Variants in VWA8 observed in about 807,000 individuals in gnomAD.
VWA8 encodes the protein von Willebrand factor A domain containing 8.
VWA8 carries 221 observed loss-of-function variants against 241.5 expected under a neutral mutation model. The observed-to-expected ratio is 0.91, with a 90% CI of 0.82 to 1.02. The LOEUF is 1.02. VWA8 is among the 50% of genes least tolerant of loss of function. VWA8 has a pLI of 0.00. For missense variants in VWA8, 2,322 were observed against 2,328.7 expected (o/e 1.00, Z 0.06); for synonymous variants, 852 against 827.1 (o/e 1.03, Z -0.52).
At chr13:41,930,499 T>G (rs1877053792) in intron 2 of VWA8, among the ~76,000 whole-genome samples, 1 of 152,174 alleles carries the variant, frequency 6.6e-6, no homozygotes, top group Non-Finnish European at 1.5e-5. Flanking sequence ...GAAACCATGA[T>G]ACAGGTTGAG....
At chr13:41,912,311 A>G (rs1876050011) in intron 2 of VWA8, 143 bp from the exon 3 acceptor site, 1 of 580,714 alleles carries the variant, frequency 1.7e-6, no homozygotes, top group Non-Finnish European at 2.5e-6. Context: ...ATATGTATAT[A>G]AATATATATA....
At position 41,690,287 on chromosome 13, in the gene VWA8, C is replaced by G; in HGVS notation, c.3867-12G>C. On this transcript the variant is annotated splice_polypyrimidine_tract_variant and intron_variant, in intron 32 of 44. Transcript: ENST00000379310. ...TTAAAAGATATTTCCTGCAAACAAA[C>G]AAAACATCTAGCTTAAGTGAAATTT... The G allele has an allele frequency of 6.3e-7, 1 of 1,599,488 alleles. No individual in the cohort carries two copies. The highest frequency in any genetic ancestry group is 8.5e-7 in the Non-Finnish European group (1 of 1,172,518).
chr13:41,724,271 G>A (rs952242414), intron 24 of VWA8, among the ~76,000 whole-genome samples: 4 of 152,166 alleles, frequency 2.6e-5, no homozygotes, highest in African/African-American at 9.7e-5. Context: ...GATAGCAAGT[G>A]TAGACAACTC....
Position 41,824,094 on chromosome 13 carries a change from T to C in VWA8, c.1701-4708A>G, listed in dbSNP as rs534347793. Among the ~76,000 whole-genome samples, 7 of 152,334 alleles carry C rather than the reference T, an allele frequency of 4.6e-5. No individual in the cohort carries two copies. In the East Asian group the frequency reaches 1.2e-3, roughly 25 times the overall value. Reference sequence around the variant, plus strand: ...CTGAAAGCAGGACAGGTATCTAAATTTACCAACTGGGTCTAGAAGCAAAGA... The same window carrying C: ...CTGAAAGCAGGACAGGTATCTAAATCTACCAACTGGGTCTAGAAGCAAAGA... On this transcript the variant is annotated intron_variant, in intron 14 of 44. Transcript: ENST00000379310.
chr13:41,778,335 AT>A lies in VWA8; in HGVS notation c.2278-280del, dbSNP rs1221074727. On this transcript the variant is annotated intron_variant, in intron 19 of 44. Coordinates refer to ENST00000379310, the MANE Select transcript of VWA8 (RefSeq NM_015058.2). ...ATTCAACTCAAATATTTTTTTACCTATTATACTATGTAGAGTTGGCTTATAA... is the reference window on the plus strand; with the variant it reads ...ATTCAACTCAAATATTTTTTTACCTATATACTATGTAGAGTTGGCTTATAA... Among the ~76,000 whole-genome samples, 5 of 152,234 alleles carry A rather than the reference AT, an allele frequency of 3.3e-5. No individual in the cohort carries two copies. The East Asian group carries it at 9.6e-4, about 29-fold the overall frequency.
intron 9 of VWA8, among the ~76,000 whole-genome samples, chr13:41,878,137 T>C (rs1392350838): frequency 2.6e-5 from 4 of 152,066 alleles, no homozygotes; most frequent in Admixed American, 1.3e-4. Context: ...ATAATTATCA[T>C]TTATCAAGGA....
chr13:41,568,825 G>A (rs1041823371), intron 44 of VWA8, among the ~76,000 whole-genome samples: 4 of 152,150 alleles, frequency 2.6e-5, no homozygotes, highest in Non-Finnish European at 5.9e-5. Flanking sequence ...TGTGAAATGC[G>A]ATCTGGATTG....
At chr13:41,616,777 A>C (rs748297916) in intron 37 of VWA8, among the ~76,000 whole-genome samples, 4 of 152,144 alleles carry the variant, frequency 2.6e-5, no homozygotes, top group Non-Finnish European at 5.9e-5. Flanking sequence ...TAGCTAACTA[A>C]AATTTAAATT....
At chr13:41,797,142 T>G (rs1438493250) in intron 17 of VWA8, among the ~76,000 whole-genome samples, 1 of 152,010 alleles carries the variant, frequency 6.6e-6, no homozygotes, top group Non-Finnish European at 1.5e-5. Context: ...GTGATTCTCC[T>G]GCATCAGCCT....
At chr13:41,592,560 T>C (rs141703541) in intron 40 of VWA8, among the ~76,000 whole-genome samples, 24 of 149,960 alleles carry the variant, frequency 1.6e-4, no homozygotes, top group African/African-American at 5.9e-4. Flanking sequence ...TCTTTACTCT[T>C]ATTTGTTTTG....
chr13:41,678,371 T>C (rs1399508923), intron 35 of VWA8, among the ~76,000 whole-genome samples: 5 of 152,254 alleles, frequency 3.3e-5, no homozygotes, highest in South Asian at 2.1e-4. Context: ...ACAGTCTGCA[T>C]TGGAAATTCT....
At chr13:41,754,422 G>A in intron 21 of VWA8, among the ~76,000 whole-genome samples, 1 of 152,044 alleles carries the variant, frequency 6.6e-6, no homozygotes, top group Admixed American at 6.6e-5. Flanking sequence ...CCTGTAAATT[G>A]CCCAGTCTTG....
intron 12 of VWA8, among the ~76,000 whole-genome samples, chr13:41,841,155 T>C (rs1182472661): frequency 2.6e-5 from 4 of 152,128 alleles, no homozygotes; most frequent in Non-Finnish European, 5.9e-5. Context: ...CAGCAATAAA[T>C]TTCACTAAAA....
intron 5 of VWA8, among the ~76,000 whole-genome samples, chr13:41,889,570 G>C (rs926852707): frequency 1.3e-5 from 2 of 152,006 alleles, no homozygotes; most frequent in Non-Finnish European, 2.9e-5. Flanking sequence ...GTAGAAACGA[G>C]GTTTTACCAT....
At chr13:41,834,552 T>G (rs972437226) in intron 12 of VWA8, among the ~76,000 whole-genome samples, 1 of 152,140 alleles carries the variant, frequency 6.6e-6, no homozygotes, top group Non-Finnish European at 1.5e-5. Context: ...AAGTACTGAC[T>G]AAATGGCTAT....
intron 37 of VWA8, among the ~76,000 whole-genome samples, chr13:41,623,318 A>G (rs892318957): frequency 5.9e-5 from 9 of 152,168 alleles, no homozygotes; most frequent in Non-Finnish European, 1.5e-5. Flanking sequence ...TCTATGCCCC[A>G]ATGACATTGT....
In VWA8 at chr13:41,800,138, A is replaced by T. The variant is rs538784693; in HGVS notation, c.2063+11087T>A. ...TACTTCATTTCTTTTTGTTGCTAAC[A>T]TTTCATTGTATGGATAAAACACACT... is the stretch of plus-strand genomic sequence containing the variant. On this transcript the variant is annotated intron_variant, in intron 17 of 44. Transcript: ENST00000379310. Among the ~76,000 whole-genome samples the T allele has an allele frequency of 2.3e-4, 35 of 152,318 alleles. No homozygotes were observed. In the East Asian group the frequency reaches 4.1e-3, roughly 18 times the overall value.
intron 34 of VWA8, among the ~76,000 whole-genome samples, chr13:41,688,274 T>TC (rs2045150502): frequency 6.6e-6 from 1 of 152,118 alleles, no homozygotes; most frequent in Admixed American, 6.6e-5. Flanking sequence ...TATTAAAATG[T>TC]TGAGGCATAC....
intron 9 of VWA8, among the ~76,000 whole-genome samples, chr13:41,878,007 T>C (rs1177757169): frequency 6.6e-6 from 1 of 152,094 alleles, no homozygotes; most frequent in Non-Finnish European, 1.5e-5. Context: ...TGATTGAATT[T>C]TCAGTGACTA....
Sources: gnomAD v4.1 joint callset for allele counts (sites outside exome capture counted in the v4.1 genomes callset) on GRCh38, gnomAD v4.1.1 for gene constraint, MANE v1.5 for transcripts, NCBI Gene and HGNC (gene_info 2026-07-23, HGNC 2026-07-21) for gene names.